Variants in ARMCX4 observed in about 807,000 individuals in gnomAD.
ARMCX4 encodes armadillo repeat containing X-linked 4.
In ARMCX4, 3 loss-of-function variants were observed where a neutral mutation model predicts 34.7. The ratio of observed to expected loss-of-function variants is 0.09; its 90% CI spans 0.04 to 0.22. The LOEUF (loss-of-function observed/expected upper bound fraction) is 0.22. Ranked by LOEUF, ARMCX4 falls within the 10% of genes least tolerant of loss-of-function variation. The pLI, the probability that ARMCX4 is intolerant of heterozygous loss-of-function variation, is 1.00. For missense variants in ARMCX4, 1,448 were observed against 1,720.8 expected (o/e 0.84, Z 2.81); for synonymous variants, 513 against 632.8 (o/e 0.81, Z 2.84).
intron 11 of ARMCX4, among the ~76,000 whole-genome samples, chrX:101,513,739 C>T (rs1421698098): frequency 1.8e-5 from 2 of 110,818 alleles, no homozygotes; most frequent in Non-Finnish European, 3.8e-5. Flanking sequence ...TCCAGCTGGT[C>T]ATGGTTCTTT....
chrX:101,460,890 A>G (rs989508420), intron 4 of ARMCX4, among the ~76,000 whole-genome samples: 7 of 111,254 alleles, frequency 6.3e-5, no homozygotes, highest in Non-Finnish European at 1.1e-4. Flanking sequence ...CATAATCCCT[A>G]TCCTTGAGTG....
chrX:101,511,282 T>C (rs1197466542), intron 11 of ARMCX4, among the ~76,000 whole-genome samples: 1 of 111,733 alleles, frequency 8.9e-6, no homozygotes, highest in African/African-American at 3.2e-5. Context: ...AATCTCTTTC[T>C]TATTGTGTTC....
At chrX:101,438,376 A>G (rs191944976) in intron 2 of ARMCX4, among the ~76,000 whole-genome samples, 1 of 111,670 alleles carries the variant, frequency 9.0e-6, no homozygotes, top group Non-Finnish European at 1.9e-5. Flanking sequence ...CATCCTGGCT[A>G]ACAGGGTGAA....
At chrX:101,468,222 T>C (rs1037508664) in intron 4 of ARMCX4, among the ~76,000 whole-genome samples, 1 of 111,860 alleles carries the variant, frequency 8.9e-6, no homozygotes, top group Non-Finnish European at 1.9e-5. Flanking sequence ...ATGCCACTTA[T>C]TAAGTTCCAA....
intron 2 of ARMCX4, among the ~76,000 whole-genome samples, chrX:101,437,291 G>C (rs1930861680): frequency 9.0e-6 from 1 of 111,402 alleles, no homozygotes; most frequent in Admixed American, 9.6e-5. Context: ...TTTTTTGGTT[G>C]GTAAGCTATT....
chrX:101,430,315 G>A (rs1397297105), intron 2 of ARMCX4, among the ~76,000 whole-genome samples: 10 of 111,628 alleles, frequency 9.0e-5, no homozygotes, highest in African/African-American at 3.3e-4. Context: ...GGAAGTTTCG[G>A]TGGAAAGAAC....
At chrX:101,503,874 T>C (rs1192499854) in intron 7 of ARMCX4, among the ~76,000 whole-genome samples, 2 of 111,194 alleles carry the variant, frequency 1.8e-5, no homozygotes, top group Non-Finnish European at 3.8e-5. Context: ...GCCTATGTCC[T>C]GAATGGTAAT....
chrX:101,423,321 G>A (rs1929393526), intron 2 of ARMCX4, among the ~76,000 whole-genome samples: 1 of 109,836 alleles, frequency 9.1e-6, no homozygotes, highest in East Asian at 3.0e-4. Context: ...TCTCTGAGGT[G>A]ATGAGAGTAT....
chrX:101,433,945 C>G (rs1270684100), intron 2 of ARMCX4, among the ~76,000 whole-genome samples: 2 of 108,781 alleles, frequency 1.8e-5, no homozygotes, highest in Admixed American at 1.0e-4. Flanking sequence ...GGTGGTTATC[C>G]ACTTTTTTTT....
intron 11 of ARMCX4, among the ~76,000 whole-genome samples, chrX:101,520,697 G>C (rs1336330335): frequency 4.5e-5 from 5 of 110,879 alleles, no homozygotes; most frequent in Non-Finnish European, 7.5e-5. Flanking sequence ...AAGTTATATT[G>C]GTTAGAGTGG....
upstream of ARMCX4, among the ~76,000 whole-genome samples, chrX:101,482,890 C>CTTTT (rs36075508): frequency 1.8e-3 from 98 of 54,727 alleles, no homozygotes; most frequent in Non-Finnish European, 2.3e-3. Context: ...TTGCGTCAGG[C>CTTTT]TTTTTTTTTT....
Position 101,488,504 on chromosome X carries a change from G to T in ARMCX4, c.-86G>T, listed in dbSNP as rs1789819447. The T allele has an allele frequency of 8.7e-7, 1 of 1,147,573 alleles. No individual in the cohort carries two copies. The highest frequency in any genetic ancestry group is 1.8e-5 in the African/African-American group (1 of 55,535). 94.6% of individuals were successfully genotyped at this position (1,147,573 alleles called of 1,213,427 possible). A position where few individuals can be genotyped will look rare whatever the true frequency, so the allele number is the denominator to read the frequency against. ...TGGCTGAAGACCAGCACCCTCACAG[G>T]CCTACACCCACAACTACCACTCTCT... On this transcript the variant is annotated 5_prime_UTR_variant, in exon 6 of 6. Transcript: ENST00000423738.
chrX:101,488,699 C>G lies in ARMCX4; in HGVS notation c.110C>G (p.Thr37Ser). The part of the protein sequence containing the change: ...FTKGRAQSVR[T>S]LARNGSTVKM... The stretch of plus-strand genomic sequence containing the variant: ...AAGGGAAGAGCCCAGAGTGTGAGGA[C>G]TCTTGCCAGAAATGGATCCACAGTT... Residue 37 changes from threonine to serine, a missense_variant, in exon 6 of 6, where the codon ACT (threonine) becomes AGT (serine). Thr to Ser is a moderately conservative substitution (Grantham distance 58, BLOSUM62 1). Around this residue, in one of 2 missense-constraint regions of ARMCX4, gnomAD observed 1,343 missense variants for 1,540.7 expected, o/e 0.87. Coordinates refer to ENST00000423738, the MANE Select transcript of ARMCX4 (RefSeq NM_001256155.3). The G allele has an allele frequency of 8.6e-7, 1 of 1,156,152 alleles. No individual in the cohort carries two copies. Among genetic ancestry groups the G allele is most frequent in the Non-Finnish European group, 1.1e-6 (1 of 872,967 alleles).
chrX:101,425,538 C>T (rs900984490), intron 2 of ARMCX4, among the ~76,000 whole-genome samples: 1 of 109,424 alleles, frequency 9.1e-6, no homozygotes, highest in African/African-American at 3.3e-5. Context: ...GGATTACAGG[C>T]GCACACCACC....
rs1027499294 is a variant in ARMCX4, at chrX:101,490,285, G to T, written c.1696G>T (p.Val566Phe). 2 of 1,152,266 alleles carry T rather than the reference G, an allele frequency of 1.7e-6. No homozygotes were observed. Among genetic ancestry groups the T allele is most frequent in the African/African-American group, 3.6e-5 (2 of 55,426 alleles). 95.0% of individuals were successfully genotyped at this position (1,152,266 alleles called of 1,213,427 possible). The change falls in exon 6 of 6, where the codon GTT becomes TTT. Residue 566 changes from valine (V) to phenylalanine (F), a missense_variant. By Grantham distance (50) the Val-to-Phe change is conservative. This residue lies in a region of ARMCX4 where 1,343 missense variants were observed against 1,540.7 expected (regional missense o/e 0.87). Coordinates refer to ENST00000423738, the MANE Select transcript of ARMCX4 (RefSeq NM_001256155.3). The stretch of plus-strand genomic sequence containing the variant: ...AGCTGAGGCCTTGCTTGATTCCAGG[G>T]TTGATGGTAGGGGCAATCCTAATGC... ...TPAEALLDSR[V>F]DGRGNPNATS...
At chrX:101,457,022 C>T (rs1355737016) in intron 4 of ARMCX4, among the ~76,000 whole-genome samples, 1 of 110,066 alleles carries the variant, frequency 9.1e-6, no homozygotes, top group Non-Finnish European at 1.9e-5. Context: ...GATCCTTCTG[C>T]CTCAGCCTCC....
chrX:101,432,786 A>C (rs1401205782), intron 2 of ARMCX4, among the ~76,000 whole-genome samples: 1 of 62,307 alleles, frequency 1.6e-5, no homozygotes, highest in African/African-American at 4.4e-5. Flanking sequence ...ATATATGTAT[A>C]TACACATATA....
downstream of ARMCX4, among the ~76,000 whole-genome samples, chrX:101,534,847 T>C (rs1935193770): frequency 8.9e-6 from 1 of 111,973 alleles, no homozygotes; most frequent in African/African-American, 3.2e-5. Flanking sequence ...GCAAAGTAGT[T>C]TTTCTTAGAA....
intron 4 of ARMCX4, among the ~76,000 whole-genome samples, chrX:101,468,127 T>G (rs782615419): frequency 9.1e-6 from 1 of 110,107 alleles, no homozygotes; most frequent in African/African-American, 3.3e-5. Context: ...GCATTTCAAG[T>G]TCTAATAGGG....
Sources: gnomAD v4.1 joint callset for allele counts (sites outside exome capture counted in the v4.1 genomes callset) on GRCh38, gnomAD v4.1.1 for gene constraint, gnomAD v4.1.1 regional missense constraint, MANE v1.5 for transcripts, NCBI Gene and HGNC (gene_info 2026-07-23, HGNC 2026-07-21) for gene names.